Variants in FBXO47 observed in about 807,000 individuals in gnomAD.
FBXO47 encodes the protein F-box protein 47, also known as F-box only protein 47.
In FBXO47, 34 loss-of-function variants were observed where a neutral mutation model predicts 53.9. The observed-to-expected ratio is 0.63, with a 90% CI of 0.48 to 0.84. The LOEUF (loss-of-function observed/expected upper bound fraction) is 0.84. FBXO47 is among the 40% of genes least tolerant of loss of function. The pLI is 0.00. For missense variants in FBXO47, 485 were observed against 541.3 expected (o/e 0.90, Z 1.03); for synonymous variants, 165 against 181.6 (o/e 0.91, Z 0.73).
chr17:38,961,581 T>C (rs535007256), intron 3 of FBXO47, among the ~76,000 whole-genome samples: 1 of 152,316 alleles, frequency 6.6e-6, no homozygotes, highest in Non-Finnish European at 1.5e-5. Flanking sequence ...CCACAGGAAG[T>C]GACGCATAGA....
At chr17:38,966,697 A>T (rs1906148667) in intron 1 of FBXO47, among the ~76,000 whole-genome samples, 1 of 152,218 alleles carries the variant, frequency 6.6e-6, no homozygotes, top group South Asian at 2.1e-4. Flanking sequence ...ACAAAAATTT[A>T]AAAATGATAA....
At chr17:38,950,254 G>A (rs1355055278) in intron 6 of FBXO47, among the ~76,000 whole-genome samples, 1 of 151,768 alleles carries the variant, frequency 6.6e-6, no homozygotes, top group Non-Finnish European at 1.5e-5. Flanking sequence ...GGTATCTCAT[G>A]TAAGTAGAAT....
Position 38,951,814 on chromosome 17 carries a change from T to C in FBXO47, c.508-125A>G. The C allele has an allele frequency of 1.2e-5, 7 of 607,478 alleles. No individual in the cohort carries two copies. The Admixed American group carries it at 1.5e-4, about 13-fold the overall frequency. The allele number at this position is 607,478 out of a possible 1,614,324, so 37.6% of individuals were successfully genotyped here. A position where few individuals can be genotyped will look rare whatever the true frequency, so the allele number is the denominator to read the frequency against. On this transcript the variant is annotated intron_variant, in intron 5 of 10. Coordinates refer to ENST00000378079, the MANE Select transcript of FBXO47 (RefSeq NM_001008777.3). ...GGGAGGCCAAGGTGGGTGGATCACC[T>C]GCAGTCAGGAGTTTGAGACCAGCCT...
chr17:38,942,583 G>C (rs1204191515), intron 9 of FBXO47, among the ~76,000 whole-genome samples, 195 bp downstream of exon 9: 2 of 152,102 alleles, frequency 1.3e-5, no homozygotes, highest in African/African-American at 4.8e-5. Flanking sequence ...AAAAGAGTGA[G>C]ACTGTCTCAA....
At chr17:38,940,137 G>T (rs1029071794) in intron 9 of FBXO47, among the ~76,000 whole-genome samples, 15 of 151,952 alleles carry the variant, frequency 9.9e-5, no homozygotes, top group African/African-American at 3.6e-4. Flanking sequence ...AACTATGAAA[G>T]AAATAAGTGA....
At chr17:38,961,203 T>C (rs1189586702) in intron 3 of FBXO47, among the ~76,000 whole-genome samples, 4 of 152,346 alleles carry the variant, frequency 2.6e-5, no homozygotes, top group African/African-American at 9.6e-5. Flanking sequence ...TTTATTTAAA[T>C]CACACCATCT....
Position 38,936,942 on chromosome 17 carries a change from C to G in FBXO47, c.*233G>C, listed in dbSNP as rs551863145. ...GTTTGGTGTTAGGTTGACTAAAACC[C>G]GGAGAGGCAGAGCTTGTTTTCCAGA... On this transcript the variant is annotated 3_prime_UTR_variant, in exon 11 of 11. Coordinates refer to ENST00000378079, the MANE Select transcript of FBXO47 (RefSeq NM_001008777.3). The G allele has an allele frequency of 2.9e-6, 1 of 343,566 alleles. No homozygotes were observed. The highest frequency in any genetic ancestry group is 2.1e-5 in the African/African-American group (1 of 47,300). 21.3% of individuals were successfully genotyped at this position (343,566 alleles called of 1,614,324 possible). A position where few individuals can be genotyped will look rare whatever the true frequency, so the allele number is the denominator to read the frequency against.
rs771195291 is a variant in FBXO47 at position 38,961,929 on chromosome 17, C to T, written c.300G>A (p.Glu100=). 6.2e-7 allele frequency: 1 copy of T among 1,614,056 alleles called. No homozygotes were observed. The highest frequency in any genetic ancestry group is 8.5e-7 in the Non-Finnish European group (1 of 1,179,992). ...RLLLQDFHNL[E]LPDRRQDSAI... is the part of the protein sequence containing the mutation. The stretch of plus-strand genomic sequence containing the variant: ...CAGAGTCTTGTCTCCTGTCAGGCAG[C>T]TCAAGGTTATGAAAGTCCTGTAGTA... The change falls in exon 3 of 11, where the codon GAG becomes GAA. Residue 100 remains glutamate (E), a synonymous_variant. Transcript: ENST00000378079.
chr17:38,956,223 A>G (rs1381292156), intron 4 of FBXO47, among the ~76,000 whole-genome samples: 3 of 152,046 alleles, frequency 2.0e-5, no homozygotes, highest in Non-Finnish European at 4.4e-5. Context: ...GGGAGTAATG[A>G]ATTGGATGAC....
intron 1 of FBXO47, among the ~76,000 whole-genome samples, chr17:38,965,134 G>T (rs1028216084): frequency 6.6e-6 from 1 of 152,228 alleles, no homozygotes; most frequent in Non-Finnish European, 1.5e-5. Flanking sequence ...ACAGGCGAAA[G>T]CCACCACGCC....
intron 1 of FBXO47, 129 bp from the exon 2 acceptor site, chr17:38,963,180 T>C (rs1248217104): frequency 7.0e-6 from 4 of 570,902 alleles, no homozygotes; most frequent in Non-Finnish European, 1.2e-5. Flanking sequence ...TTGCAAAAGA[T>C]TTTTGGTTTT....
At chr17:38,958,467 A>G (rs561321339) in intron 3 of FBXO47, among the ~76,000 whole-genome samples, 3 of 126,046 alleles carry the variant, frequency 2.4e-5, no homozygotes, top group East Asian at 2.7e-4. Context: ...CAGATACTTT[A>G]AAAAGAAAAA....
chr17:38,943,071 T>C (rs963867033), intron 8 of FBXO47, 151 bp from the exon 9 acceptor site: 4 of 693,492 alleles, frequency 5.8e-6, no homozygotes, highest in Non-Finnish European at 9.3e-6. Context: ...TTTCCAATTA[T>C]GGCATTCAGT....
In FBXO47 at chr17:38,936,936, A is replaced by G. The variant is rs1368972839; in HGVS notation, c.*239T>C. ...ATTTTGGTTTGGTGTTAGGTTGACT[A>G]AAACCCGGAGAGGCAGAGCTTGTTT... On this transcript the variant is annotated 3_prime_UTR_variant, in exon 11 of 11. Coordinates refer to ENST00000378079, the MANE Select transcript of FBXO47 (RefSeq NM_001008777.3). The G allele has an allele frequency of 3.0e-6, 1 of 337,434 alleles. No individual in the cohort carries two copies. Among genetic ancestry groups the G allele is most frequent in the Non-Finnish European group, 5.3e-6 (1 of 188,722 alleles). The allele number at this position is 337,434 out of a possible 1,614,324, so 20.9% of individuals were successfully genotyped here.
At chr17:38,945,948 A>AATATATAT (rs1555560609) in intron 6 of FBXO47, among the ~76,000 whole-genome samples, 1 of 117,150 alleles carries the variant, frequency 8.5e-6, no homozygotes, top group African/African-American at 3.5e-5. Flanking sequence ...AAAAAAAAAA[A>AATATATAT]ATATATATAT....
At chr17:38,939,342 A>ATATATATATATG (rs1555559730) in intron 9 of FBXO47, among the ~76,000 whole-genome samples, 1 of 136,836 alleles carries the variant, frequency 7.3e-6, no homozygotes, top group African/African-American at 2.7e-5. Flanking sequence ...ATATATATAT[A>ATATATATATATG]TATGTATTGA....
chr17:38,965,339 G>A (rs1906049895), intron 1 of FBXO47, among the ~76,000 whole-genome samples: 1 of 152,028 alleles, frequency 6.6e-6, no homozygotes, highest in South Asian at 2.1e-4. Context: ...AATTGTATCT[G>A]GCCAAAATGC....
chr17:38,951,976 G>A (rs1244350950), intron 5 of FBXO47, among the ~76,000 whole-genome samples: 1 of 152,096 alleles, frequency 6.6e-6, no homozygotes, highest in African/African-American at 2.4e-5. Flanking sequence ...GCAGTGAGAT[G>A]AGATCATGCC....
At chr17:38,952,031 AAAC>A in intron 5 of FBXO47, among the ~76,000 whole-genome samples, 1 of 151,854 alleles carries the variant, frequency 6.6e-6, no homozygotes, top group African/African-American at 2.4e-5. Context: ...CTGTCACAAA[AAAC>A]AAACAAAACA....
Sources: gnomAD v4.1 joint callset for allele counts (sites outside exome capture counted in the v4.1 genomes callset) on GRCh38, gnomAD v4.1.1 for gene constraint, MANE v1.5 for transcripts, NCBI Gene and HGNC (gene_info 2026-07-23, HGNC 2026-07-21) for gene names.